SLC6A15: variants seen among roughly 807,000 people sequenced by gnomAD.
SLC6A15 encodes solute carrier family 6 member 15.
Under a neutral mutation model 68.5 loss-of-function variants are expected in SLC6A15, and 33 were observed. That is an observed-to-expected ratio of 0.48 (90% confidence interval 0.37 to 0.64). The LOEUF (loss-of-function observed/expected upper bound fraction) is 0.64. SLC6A15 is among the 30% of genes least tolerant of loss of function. The pLI, the probability that SLC6A15 is intolerant of heterozygous loss-of-function variation, is 0.00. For synonymous variants in SLC6A15, 347 were observed against 301.0 expected, an observed-to-expected ratio of 1.15 and a Z score of -1.58; for missense variants, 747 against 874.3, an observed-to-expected ratio of 0.85 and a Z score of 1.84.
intron 5 of SLC6A15, chr12:84,882,109 T>C (rs1871847194): frequency 1.0e-6 from 1 of 985,288 alleles, no homozygotes; most frequent in Non-Finnish European, 1.2e-6. Flanking sequence ...TAAGTGATGC[T>C]AAGACACAGA....
intron 7 of SLC6A15, 124 bp downstream of exon 7, chr12:84,872,963 T>C: frequency 7.7e-7 from 1 of 1,291,230 alleles, no homozygotes; most frequent in East Asian, 2.5e-5. Context: ...CCATTATACA[T>C]TGTATGTTTG....
At chr12:84,884,542 G>A (rs932013300) in intron 4 of SLC6A15, among the ~76,000 whole-genome samples, 3 of 151,948 alleles carry the variant, frequency 2.0e-5, no homozygotes, top group Non-Finnish European at 2.9e-5. Context: ...CTGACCTCAG[G>A]GGCTCTACCT....
intron 1 of SLC6A15, among the ~76,000 whole-genome samples, chr12:84,905,997 T>A (rs1457178058): frequency 6.6e-6 from 1 of 152,202 alleles, no homozygotes; most frequent in African/African-American, 2.4e-5. Flanking sequence ...TATATGAATG[T>A]AATAATACAG....
intron 6 of SLC6A15, 45 bp downstream of exon 6, chr12:84,876,449 CATA>C (rs780168558): frequency 2.4e-5 from 23 of 943,132 alleles, no homozygotes; most frequent in Admixed American, 4.9e-5. Context: ...TAACAATAAA[CATA>C]ATGCTTTCAT....
At chr12:84,906,124 C>A (rs1374892291) in intron 1 of SLC6A15, among the ~76,000 whole-genome samples, 3 of 152,114 alleles carry the variant, frequency 2.0e-5, no homozygotes, top group Non-Finnish European at 4.4e-5. Flanking sequence ...TAAACATACA[C>A]AAATCATTTA....
At chr12:84,904,284 C>A (rs1346382418) in intron 1 of SLC6A15, among the ~76,000 whole-genome samples, 1 of 146,920 alleles carries the variant, frequency 6.8e-6, no homozygotes, top group Non-Finnish European at 1.5e-5. Context: ...TGAAGTGAAG[C>A]TCCAGGCATA....
At chr12:84,890,308 C>A (rs1274256028) in intron 2 of SLC6A15, among the ~76,000 whole-genome samples, 2 of 152,104 alleles carry the variant, frequency 1.3e-5, no homozygotes, top group African/African-American at 4.8e-5. Context: ...CACTCTCCAG[C>A]AAGACAGAAA....
rs955396417 is a variant in SLC6A15, at chr12:84,888,717, A to T, written c.290-2649T>A. Among the ~76,000 whole-genome samples, 3 of 152,246 alleles carry T rather than the reference A, an allele frequency of 2.0e-5. No individual in the cohort carries two copies. The East Asian group carries it at 5.8e-4, about 29-fold the overall frequency. Reference sequence around the variant, plus strand: ...AAATCTCTGAATTCACCACTATATAATTCATTTATGTAACAAAAATCCACT... The same window carrying T: ...AAATCTCTGAATTCACCACTATATATTTCATTTATGTAACAAAAATCCACT... On this transcript the variant is annotated intron_variant, in intron 2 of 11. Coordinates refer to ENST00000266682, the MANE Select transcript of SLC6A15 (RefSeq NM_182767.6).
chr12:84,879,402 T>C (rs535712060), intron 5 of SLC6A15, among the ~76,000 whole-genome samples: 1 of 151,814 alleles, frequency 6.6e-6, no homozygotes, highest in Non-Finnish European at 1.5e-5. Context: ...CTCGGCTCAC[T>C]GCAACCACTG....
chr12:84,883,153 A>G (rs1871905540), intron 5 of SLC6A15: 1 of 357,556 alleles, frequency 2.8e-6, no homozygotes, highest in African/African-American at 7.5e-5. Flanking sequence ...GTGATAATGA[A>G]AAAAAAAAAA....
intron 1 of SLC6A15, among the ~76,000 whole-genome samples, chr12:84,893,282 G>A (rs1872500247): frequency 6.6e-6 from 1 of 152,170 alleles, no homozygotes; most frequent in South Asian, 2.1e-4. Flanking sequence ...AATTAGAGTT[G>A]AGCATAAATG....
chr12:84,862,047 T>C, intron 11 of SLC6A15, 41 bp from the exon 12 acceptor site: 1 of 1,507,872 alleles, frequency 6.6e-7, no homozygotes, highest in Non-Finnish European at 8.9e-7. Context: ...AATCTATCTT[T>C]CTTTGCACAT....
chr12:84,896,410 G>T (rs535965930), intron 1 of SLC6A15, among the ~76,000 whole-genome samples: 2 of 151,692 alleles, frequency 1.3e-5, no homozygotes, highest in African/African-American at 2.4e-5. Flanking sequence ...ATCCATGCCC[G>T]TAGATTTACA....
At chr12:84,869,112 A>T (rs1014332988) in intron 9 of SLC6A15, among the ~76,000 whole-genome samples, 2 of 152,172 alleles carry the variant, frequency 1.3e-5, no homozygotes, top group African/African-American at 4.8e-5. Flanking sequence ...GCAGCAAATG[A>T]TAAAGGTATA....
chr12:84,889,450 C>G (rs528958060), intron 2 of SLC6A15, among the ~76,000 whole-genome samples: 1 of 150,776 alleles, frequency 6.6e-6, no homozygotes, highest in African/African-American at 2.5e-5. Context: ...ACAGAGATTG[C>G]GCCACTGAAC....
chr12:84,888,263 A>C (rs1445266964), intron 2 of SLC6A15, among the ~76,000 whole-genome samples: 1 of 92,500 alleles, frequency 1.1e-5, no homozygotes, highest in African/African-American at 6.3e-5. Context: ...GACCTTGTCG[A>C]AAAAAAAAAA....
chr12:84,905,960 C>T (rs189481488), intron 1 of SLC6A15, among the ~76,000 whole-genome samples: 472 of 152,230 alleles, frequency 3.1e-3, no homozygotes, highest in Admixed American at 6.8e-3. Flanking sequence ...GTTCTCCATA[C>T]TTATTTTTTG....
chr12:84,868,452 A>G (rs966361491), intron 9 of SLC6A15, among the ~76,000 whole-genome samples: 2 of 152,170 alleles, frequency 1.3e-5, no homozygotes, highest in African/African-American at 4.8e-5. Flanking sequence ...ATCTGCACCC[A>G]AATCTGTCTG....
intron 1 of SLC6A15, among the ~76,000 whole-genome samples, chr12:84,904,172 C>T (rs1873017989): frequency 7.0e-6 from 1 of 142,468 alleles, no homozygotes. Context: ...TGCTAGAAAC[C>T]CCACATGGAA....
Sources: allele counts gnomAD v4.1 joint callset (sites outside exome capture counted in the v4.1 genomes callset), GRCh38; gene constraint gnomAD v4.1.1; transcripts MANE v1.5; gene names NCBI Gene and HGNC (gene_info 2026-07-23, HGNC 2026-07-21).